Variants in GPC5 observed in about 807,000 individuals in gnomAD.
The protein encoded by GPC5 is glypican-5.
Under a neutral mutation model 53.9 loss-of-function variants are expected in GPC5, and 47 were observed. The observed-to-expected ratio is 0.87, with a 90% CI of 0.69 to 1.11. The LOEUF (loss-of-function observed/expected upper bound fraction) is 1.11, where lower values mean the gene tolerates loss of function less well. Among genes scored for constraint, GPC5 ranks in the 50% most tolerant of loss-of-function variants. The pLI is 0.00. For missense variants in GPC5, 748 were observed against 713.1 expected (o/e 1.05, Z -0.56); for synonymous variants, 286 against 263.3 (o/e 1.09, Z -0.84).
At chr13:92,144,502 C>T (rs973045528) in intron 6 of GPC5, among the ~76,000 whole-genome samples, 3 of 152,038 alleles carry the variant, frequency 2.0e-5, no homozygotes, top group African/African-American at 7.2e-5. Flanking sequence ...TTTGATTTAC[C>T]ATATTTAAAC....
intron 2 of GPC5, among the ~76,000 whole-genome samples, chr13:91,545,802 C>A (rs1291249307): frequency 6.6e-6 from 1 of 151,988 alleles, no homozygotes; most frequent in Non-Finnish European, 1.5e-5. Flanking sequence ...TGATATTTGT[C>A]TTGCTGTTAT....
intron 6 of GPC5, among the ~76,000 whole-genome samples, chr13:91,985,580 T>G (rs183346586): frequency 1.3e-5 from 2 of 152,148 alleles, no homozygotes; most frequent in Non-Finnish European, 2.9e-5. Flanking sequence ...TCTTTAAAAT[T>G]GACTTTTCAG....
At chr13:92,291,744 G>A (rs149321591) in intron 7 of GPC5, among the ~76,000 whole-genome samples, 8 of 152,274 alleles carry the variant, frequency 5.3e-5, no homozygotes, top group Non-Finnish European at 1.2e-4. Flanking sequence ...TTTATGAGCT[G>A]TAACACTCAC....
chr13:91,882,096 T>C (rs1449839300), intron 5 of GPC5, among the ~76,000 whole-genome samples: 1 of 152,166 alleles, frequency 6.6e-6, no homozygotes, highest in Non-Finnish European at 1.5e-5. Flanking sequence ...AAAGAGATAA[T>C]TTAAAGGAAT....
chr13:91,441,613 T>C (rs2139068968), intron 1 of GPC5, among the ~76,000 whole-genome samples: 1 of 152,302 alleles, frequency 6.6e-6, no homozygotes, highest in Non-Finnish European at 1.5e-5. Flanking sequence ...CAAAGAATAT[T>C]CCAGCAGGAG....
At chr13:91,497,567 T>C (rs1207437432) in intron 2 of GPC5, among the ~76,000 whole-genome samples, 1 of 152,202 alleles carries the variant, frequency 6.6e-6, no homozygotes, top group African/African-American at 2.4e-5. Context: ...TTCCTAACCA[T>C]GCACAAATTA....
intron 5 of GPC5, among the ~76,000 whole-genome samples, chr13:91,898,642 T>G (rs2039467405): frequency 6.6e-6 from 1 of 151,612 alleles, no homozygotes; most frequent in Non-Finnish European, 1.5e-5. Context: ...CTAAGATCCT[T>G]TCCAGCTCTA....
At chr13:92,551,063 A>T (rs1259169594) in intron 7 of GPC5, among the ~76,000 whole-genome samples, 1 of 151,894 alleles carries the variant, frequency 6.6e-6, no homozygotes, top group Non-Finnish European at 1.5e-5. Flanking sequence ...AATGCTGTTG[A>T]TATTTTGTGA....
chr13:91,668,475 AC>A (rs2035169513), intron 2 of GPC5, among the ~76,000 whole-genome samples: 1 of 152,234 alleles, frequency 6.6e-6, no homozygotes, highest in African/African-American at 2.4e-5. Context: ...TGCATGTATT[AC>A]AGTTGCTGGA....
intron 4 of GPC5, among the ~76,000 whole-genome samples, chr13:91,731,835 C>T (rs1380945907): frequency 1.3e-5 from 2 of 152,258 alleles, no homozygotes; most frequent in East Asian, 1.9e-4. Flanking sequence ...TCCAGCTTCA[C>T]CCATGTCCCT....
At chr13:92,178,943 A>C (rs1202474525) in intron 7 of GPC5, among the ~76,000 whole-genome samples, 2 of 152,114 alleles carry the variant, frequency 1.3e-5, no homozygotes, top group African/African-American at 4.8e-5. Context: ...TGTACTCCAG[A>C]CTGGGTGACA....
At chr13:92,745,762 T>G (rs898189000) in intron 7 of GPC5, among the ~76,000 whole-genome samples, 10 of 152,128 alleles carry the variant, frequency 6.6e-5, no homozygotes, top group Non-Finnish European at 1.5e-4. Flanking sequence ...ACTAATCATT[T>G]TTTTCAAAAT....
chr13:91,519,466 A>C (rs1885686069), intron 2 of GPC5, among the ~76,000 whole-genome samples: 1 of 151,884 alleles, frequency 6.6e-6, no homozygotes, highest in Non-Finnish European at 1.5e-5. Flanking sequence ...TTCTCATGAG[A>C]GTGAGTGAGT....
chr13:91,829,918 A>G (rs2038629575), intron 5 of GPC5, among the ~76,000 whole-genome samples: 1 of 152,134 alleles, frequency 6.6e-6, no homozygotes, highest in African/African-American at 2.4e-5. Flanking sequence ...GCAGTGTGAG[A>G]TCACAGGACC....
intron 5 of GPC5, among the ~76,000 whole-genome samples, chr13:91,869,845 G>C (rs1163241678): frequency 1.3e-5 from 2 of 152,146 alleles, no homozygotes; most frequent in African/African-American, 4.8e-5. Flanking sequence ...GAGGGAGAGA[G>C]AGCAAAGGGG....
intron 7 of GPC5, among the ~76,000 whole-genome samples, chr13:92,754,841 T>G (rs1020348703): frequency 4.8e-4 from 68 of 142,246 alleles, no homozygotes; most frequent in Non-Finnish European, 8.7e-4. Flanking sequence ...AAGTCCAGAG[T>G]GACCTACAAA....
At chr13:92,552,749 T>C (rs1329853137) in intron 7 of GPC5, among the ~76,000 whole-genome samples, 1 of 151,986 alleles carries the variant, frequency 6.6e-6, no homozygotes, top group East Asian at 1.9e-4. Context: ...GAAATGCTTT[T>C]CTACTTTTTA....
chr13:92,099,417 G>T (rs1004550747), intron 6 of GPC5, among the ~76,000 whole-genome samples: 3 of 151,980 alleles, frequency 2.0e-5, no homozygotes, highest in Non-Finnish European at 2.9e-5. Flanking sequence ...GTCTTTCTTT[G>T]CTCTTGCTGT....
intron 1 of GPC5, among the ~76,000 whole-genome samples, chr13:91,415,242 G>A (rs1258328971): frequency 2.0e-5 from 3 of 152,150 alleles, no homozygotes; most frequent in Admixed American, 1.3e-4. Context: ...GGATTGCTTA[G>A]GCTTGCTGTA....
Sources: gnomAD v4.1 joint callset for allele counts (sites outside exome capture counted in the v4.1 genomes callset) on GRCh38, gnomAD v4.1.1 for gene constraint, MANE v1.5 for transcripts, NCBI Gene and HGNC (gene_info 2026-07-23, HGNC 2026-07-21) for gene names.